TMEM232: variants seen among roughly 807,000 people sequenced by gnomAD.
The protein encoded by TMEM232 is transmembrane protein 232.
In TMEM232, 80 loss-of-function variants were observed where a neutral mutation model predicts 78.8. The ratio of observed to expected loss-of-function variants is 1.01; its 90% CI spans 0.85 to 1.22. The LOEUF is 1.22. Ranked by LOEUF, TMEM232 falls within the 50% of genes most tolerant of loss-of-function variation. The probability of loss-of-function intolerance (pLI) is 0.00; values close to 1 mark genes in which losing one functional copy is unlikely to be tolerated. For synonymous variants in TMEM232, 297 were observed against 254.3 expected (o/e 1.17, Z -1.60); for missense variants, 881 against 742.2 (o/e 1.19, Z -2.17).
chr5:110,453,614 C>T (rs763532570), intron 12 of TMEM232, among the ~76,000 whole-genome samples: 8 of 152,048 alleles, frequency 5.3e-5, no homozygotes, highest in South Asian at 2.1e-4. Context: ...CTTGATAGTA[C>T]GGTGCTTATT....
intron 1 of TMEM232, among the ~76,000 whole-genome samples, chr5:110,675,838 TATAGTCACC>T (rs1207665009): frequency 2.0e-5 from 3 of 152,298 alleles, no homozygotes; most frequent in African/African-American, 7.2e-5. Context: ...ATGTATTAAC[TATAGTCACC>T]ATGCTGTACA....
intron 12 of TMEM232, among the ~76,000 whole-genome samples, chr5:110,525,718 A>C (rs1770484706): frequency 6.6e-6 from 1 of 151,734 alleles, no homozygotes; most frequent in South Asian, 2.1e-4. Context: ...TAAACAAAAT[A>C]GCTAGGAAAA....
intron 5 of TMEM232, among the ~76,000 whole-genome samples, chr5:110,634,928 T>G (rs1209191658): frequency 6.6e-6 from 1 of 151,802 alleles, no homozygotes; most frequent in Non-Finnish European, 1.5e-5. Context: ...AAGATAAAAT[T>G]GATCAACTGC....
chr5:110,704,516 T>A (rs1257466601), intron 1 of TMEM232, among the ~76,000 whole-genome samples: 1 of 152,084 alleles, frequency 6.6e-6, no homozygotes, highest in Non-Finnish European at 1.5e-5. Flanking sequence ...CCTTTTGTTT[T>A]TGTATTTTTG....
chr5:110,456,808 T>C lies in TMEM232; in HGVS notation c.1704-31892A>G, dbSNP rs1034000620. 2.8e-4 allele frequency among the ~76,000 whole-genome samples: 42 copies of C among 151,984 alleles called. 1 individual carries two copies. Among genetic ancestry groups the C allele is most frequent in the South Asian group, 2.5e-3 (12 of 4,786 alleles). On this transcript the variant is annotated intron_variant, in intron 12 of 13. Transcript: ENST00000455884. ...CTTAAAACAAATGGTGCTGGGACAA[T>C]TGGACTCCCATATGTAAAGAAAAAA...
intron 1 of TMEM232, among the ~76,000 whole-genome samples, chr5:110,675,007 A>G (rs961714498): frequency 6.6e-6 from 1 of 150,416 alleles, no homozygotes; most frequent in Admixed American, 6.7e-5. Context: ...TGCATTTGTT[A>G]TTATTCTATT....
At position 110,628,606 on chromosome 5, in the gene TMEM232, T is replaced by C. The variant is rs145166665; in HGVS notation, c.502-726A>G. Among the ~76,000 whole-genome samples, 3 of 151,874 alleles carry C rather than the reference T, an allele frequency of 2.0e-5. No homozygotes were observed. In the East Asian group the frequency reaches 5.8e-4, roughly 29 times the overall value. ...AAACACATTAACTATAGAAATGGAATACAAGTTTCTAAATTGTGGAGAAGA... is the reference window on the plus strand; with the variant it reads ...AAACACATTAACTATAGAAATGGAACACAAGTTTCTAAATTGTGGAGAAGA... On this transcript the variant is annotated intron_variant, in intron 5 of 13. Transcript: ENST00000455884.
rs560382455 is a variant in TMEM232, at chr5:110,678,010, G to A, written c.-12-10646C>T. The stretch of plus-strand genomic sequence containing the variant: ...ATTAAAAATTTTGATATTGATATAC[G>A]TAATGTGTGTTCCCTATGTGCACAT... On this transcript the variant is annotated intron_variant, in intron 1 of 13. Transcript: ENST00000455884. Among the ~76,000 whole-genome samples, 12 of 152,206 alleles carry A rather than the reference G, an allele frequency of 7.9e-5. No homozygotes were observed. The East Asian group carries it at 1.9e-3, about 24-fold the overall frequency.
At chr5:110,613,644 C>T (rs1166729795) in intron 8 of TMEM232, among the ~76,000 whole-genome samples, 1 of 152,052 alleles carries the variant, frequency 6.6e-6, no homozygotes, top group Non-Finnish European at 1.5e-5. Context: ...ATCATCAGGG[C>T]CTGGTGCCTC....
intron 12 of TMEM232, among the ~76,000 whole-genome samples, chr5:110,466,859 G>A (rs982833001): frequency 4.6e-5 from 7 of 151,544 alleles, no homozygotes; most frequent in African/African-American, 1.7e-4. Context: ...TCGTGACCTG[G>A]CCAAGCACAA....
chr5:110,476,335 G>A (rs1175352143), intron 12 of TMEM232, among the ~76,000 whole-genome samples: 2 of 151,892 alleles, frequency 1.3e-5, no homozygotes, highest in African/African-American at 4.8e-5. Flanking sequence ...ACAGGTGTGT[G>A]AGCACAGAGA....
At chr5:110,473,625 C>G (rs1202554235) in intron 12 of TMEM232, among the ~76,000 whole-genome samples, 1 of 151,130 alleles carries the variant, frequency 6.6e-6, no homozygotes, top group African/African-American at 2.4e-5. Context: ...CATGATCTAG[C>G]AATCTCACTA....
intron 12 of TMEM232, among the ~76,000 whole-genome samples, chr5:110,503,843 A>G (rs747521970): frequency 2.0e-5 from 3 of 152,228 alleles, no homozygotes; most frequent in Non-Finnish European, 4.4e-5. Context: ...GACTGTGCAT[A>G]AAATGGAGCT....
intron 5 of TMEM232, among the ~76,000 whole-genome samples, chr5:110,634,055 T>TC (rs1580441252): frequency 6.6e-6 from 1 of 152,064 alleles, no homozygotes; most frequent in East Asian, 1.9e-4. Context: ...TATCCTTCTA[T>TC]TGGATAAAAC....
chr5:110,490,836 A>G (rs1765007111), intron 12 of TMEM232, among the ~76,000 whole-genome samples: 1 of 152,124 alleles, frequency 6.6e-6, no homozygotes, highest in African/African-American at 2.4e-5. Flanking sequence ...AACTGCATCA[A>G]AGACCTCACT....
At chr5:110,703,866 C>T (rs970707996) in intron 1 of TMEM232, among the ~76,000 whole-genome samples, 1 of 152,060 alleles carries the variant, frequency 6.6e-6, no homozygotes, top group African/African-American at 2.4e-5. Flanking sequence ...ACCCAACTGT[C>T]AAAATTAACT....
intron 1 of TMEM232, among the ~76,000 whole-genome samples, chr5:110,673,787 C>T (rs1791671372): frequency 6.6e-6 from 1 of 152,138 alleles, no homozygotes; most frequent in South Asian, 2.1e-4. Context: ...CAGTTAACAA[C>T]CTTCTTTCTT....
At chr5:110,470,707 C>T (rs1762573900) in intron 12 of TMEM232, among the ~76,000 whole-genome samples, 1 of 152,122 alleles carries the variant, frequency 6.6e-6, no homozygotes, top group African/African-American at 2.4e-5. Flanking sequence ...CCTTCCTAAC[C>T]AGGACATTAA....
chr5:110,524,572 C>A (rs1770282806), intron 12 of TMEM232, among the ~76,000 whole-genome samples: 1 of 152,084 alleles, frequency 6.6e-6, no homozygotes, highest in Non-Finnish European at 1.5e-5. Context: ...AACATGTGAT[C>A]TATGCTGGAG....
Sources: allele counts gnomAD v4.1 joint callset (sites outside exome capture counted in the v4.1 genomes callset), GRCh38; gene constraint gnomAD v4.1.1; transcripts MANE v1.5; gene names NCBI Gene and HGNC (gene_info 2026-07-23, HGNC 2026-07-21).